The following LMO7 variants were observed in gnomAD, a reference collection of about 807,000 sequenced individuals.
LMO7 encodes the protein LIM domain only protein 7.
Under a neutral mutation model 206.5 loss-of-function variants are expected in LMO7, and 120 were observed. That is an observed-to-expected ratio of 0.58 (90% CI 0.50 to 0.68). The LOEUF is 0.68. Among genes scored for constraint, LMO7 ranks in the 30% least tolerant of loss-of-function variants. The probability of loss-of-function intolerance (pLI) is 0.00; values close to 1 mark genes in which losing one functional copy is unlikely to be tolerated. For missense variants in LMO7, 1,959 were observed against 1,957.9 expected (o/e 1.00, Z -0.01); for synonymous variants, 706 against 681.5 (o/e 1.04, Z -0.56).
At position 75,662,380 on chromosome 13, in the gene LMO7, A is replaced by G. The variant is rs762828672; in HGVS notation, c.69+25654A>G. Among the ~76,000 whole-genome samples the G allele has an allele frequency of 3.9e-5, 6 of 152,174 alleles. No homozygotes were observed. The South Asian group carries it at 1.0e-3, about 26-fold the overall frequency. On this transcript the variant is annotated intron_variant, in intron 1 of 30. Coordinates refer to ENST00000377534, the MANE Select transcript of LMO7 (RefSeq NM_001306080.2). ...GTCACCCAGGCTGGAGTGCAGTGGC[A>G]TGATTTTGGCTGACTGCAGTTGTGA...
chr13:75,821,157 G>T lies in LMO7; in HGVS notation c.2208-20G>T. ...TCAAATGTGTGTCTTTGTGGTGATG[G>T]TGCATTTCTCTCCGCTAAGGGAATC... On this transcript the variant is annotated intron_variant, in intron 13 of 30. Coordinates refer to ENST00000377534, the MANE Select transcript of LMO7 (RefSeq NM_001306080.2). 1 of 1,565,894 alleles carries T rather than the reference G, an allele frequency of 6.4e-7. No homozygotes were observed. The highest frequency in any genetic ancestry group is 8.6e-7 in the Non-Finnish European group (1 of 1,157,744).
intron 3 of LMO7, among the ~76,000 whole-genome samples, chr13:75,730,270 G>T (rs973159979): frequency 1.3e-5 from 2 of 152,144 alleles, no homozygotes; most frequent in Admixed American, 6.5e-5. Context: ...GACTCTTTTT[G>T]GTTGGTAAGC....
chr13:75,712,258 G>A (rs548138699), intron 1 of LMO7, among the ~76,000 whole-genome samples: 47 of 152,282 alleles, frequency 3.1e-4, no homozygotes, highest in African/African-American at 1.1e-3. Flanking sequence ...TTCTGAAGTG[G>A]CAGGTGGAGC....
chr13:75,693,730 C>T (rs961097723), intron 1 of LMO7, among the ~76,000 whole-genome samples: 1 of 152,174 alleles, frequency 6.6e-6, no homozygotes, highest in Admixed American at 6.5e-5. Flanking sequence ...TGCCATCTGT[C>T]TGCTCAGGGA....
chr13:75,748,795 TTTTCTTTCTTTC>T (rs111332093), intron 3 of LMO7, among the ~76,000 whole-genome samples: 41 of 150,088 alleles, frequency 2.7e-4, no homozygotes, highest in Admixed American at 1.3e-4. Flanking sequence ...AGACTGTCTT[TTTTCTTTCTTTC>T]TTTCTTTCTT....
At chr13:75,661,041 C>G (rs2038543308) in intron 1 of LMO7, among the ~76,000 whole-genome samples, 1 of 152,202 alleles carries the variant, frequency 6.6e-6, no homozygotes, top group African/African-American at 2.4e-5. Flanking sequence ...TTTTAGATTA[C>G]TTATGCTAAG....
chr13:75,762,677 G>C (rs945799091), intron 4 of LMO7, among the ~76,000 whole-genome samples: 2 of 152,158 alleles, frequency 1.3e-5, no homozygotes, highest in Non-Finnish European at 2.9e-5. Context: ...AGGTCACGTA[G>C]TTATAGCTGT....
intron 4 of LMO7, among the ~76,000 whole-genome samples, chr13:75,788,548 C>T (rs779753548): frequency 2.0e-5 from 3 of 151,930 alleles, no homozygotes; most frequent in Non-Finnish European, 4.4e-5. Context: ...CATGCCTCCG[C>T]TCTTGCCCCA....
chr13:75,797,793 A>G (rs1460809944), intron 6 of LMO7, among the ~76,000 whole-genome samples: 3 of 152,152 alleles, frequency 2.0e-5, no homozygotes, highest in Admixed American at 6.5e-5. Context: ...ATTCCTGTTC[A>G]CCCCCAAAAT....
At chr13:75,849,988 T>C (rs1417748198) in intron 27 of LMO7, among the ~76,000 whole-genome samples, 1 of 152,070 alleles carries the variant, frequency 6.6e-6, no homozygotes, top group Non-Finnish European at 1.5e-5. Flanking sequence ...AAAATAGATG[T>C]GTGCCTGTAA....
intron 11 of LMO7, 72 bp from the exon 12 acceptor site, chr13:75,817,089 C>A: frequency 9.5e-7 from 1 of 1,054,940 alleles, no homozygotes; most frequent in Non-Finnish European, 1.4e-6. Context: ...CCAAATTTAA[C>A]TCCAACCTCA....
rs1252387827 is a variant in LMO7 at position 75,849,295 on chromosome 13, G to T, written c.4364+3G>T. The T allele has an allele frequency of 1.9e-6, 3 of 1,609,958 alleles. No individual in the cohort carries two copies. Among genetic ancestry groups the T allele is most frequent in the Admixed American group, 3.3e-5 (2 of 59,998 alleles). On this transcript the variant is annotated splice_donor_region_variant and intron_variant, in intron 27 of 30. Coordinates refer to ENST00000377534, the MANE Select transcript of LMO7 (RefSeq NM_001306080.2). Reference sequence around the variant, plus strand: ...AGTCTTCCTGGGATCATGAGAAGGTGCGAGACATCTTAGGAATTGGTTTCT... The same window carrying T: ...AGTCTTCCTGGGATCATGAGAAGGTTCGAGACATCTTAGGAATTGGTTTCT...
chr13:75,851,252 A>G (rs763720635), intron 27 of LMO7, among the ~76,000 whole-genome samples: 6 of 152,248 alleles, frequency 3.9e-5, no homozygotes, highest in African/African-American at 7.2e-5. Context: ...AAGATAATAC[A>G]TATTAAATGG....
chr13:75,633,405 T>A (rs1470973846), upstream of LMO7, among the ~76,000 whole-genome samples: 1 of 152,122 alleles, frequency 6.6e-6, no homozygotes, highest in Non-Finnish European at 1.5e-5. Context: ...AAAATGAGCC[T>A]AACAAACAAA....
Position 75,809,055 on chromosome 13 carries a change from C to T in LMO7, c.1917-99C>T, listed in dbSNP as rs1022155155. ...AAGAAGTGACCTTTTGAGATTTGTC[C>T]GTCTCCAGTTAGATTCTTAAGTGGA... On this transcript the variant is annotated intron_variant, in intron 10 of 30. Transcript: ENST00000377534. 6.5e-5 allele frequency: 56 copies of T among 858,238 alleles called. No individual in the cohort carries two copies. In the African/African-American group the frequency reaches 7.0e-4, roughly 11 times the overall value. 53.2% of individuals were successfully genotyped at this position (858,238 alleles called of 1,614,324 possible).
intron 15 of LMO7, among the ~76,000 whole-genome samples, chr13:75,825,609 A>G (rs1286401098): frequency 6.6e-6 from 1 of 152,178 alleles, no homozygotes; most frequent in African/African-American, 2.4e-5. Flanking sequence ...AAGTGAAGCC[A>G]TTGGAATTCT....
intron 3 of LMO7, among the ~76,000 whole-genome samples, chr13:75,736,635 G>A (rs1354939199): frequency 6.6e-6 from 1 of 152,198 alleles, no homozygotes; most frequent in Non-Finnish European, 1.5e-5. Flanking sequence ...GGACGACAAG[G>A]CAAATAAATT....
In LMO7 at chr13:75,696,357, A is replaced by AC. The variant is rs879742906; in HGVS notation, c.70-16825_70-16824insC. ...GCGACAGAGTGAGACTCCATCTCAA[A>AC]AAAACAAACAAACAAACAAACAAAC... On this transcript the variant is annotated intron_variant, in intron 1 of 30. Transcript: ENST00000377534. 5.1e-3 allele frequency among the ~76,000 whole-genome samples: 633 copies of AC among 124,602 alleles called. 5 individuals are homozygous for AC. Among genetic ancestry groups the AC allele is most frequent in the African/African-American group, 0.021 (545 of 26,564 alleles). 81.7% of individuals were successfully genotyped at this position (124,602 alleles called of 152,430 possible).
chr13:75,649,524 G>T (rs765279744), intron 1 of LMO7, among the ~76,000 whole-genome samples: 1 of 152,162 alleles, frequency 6.6e-6, no homozygotes, highest in Non-Finnish European at 1.5e-5. Context: ...AATCTATCAC[G>T]TGTTGAAAGT....
Sources: allele counts gnomAD v4.1 joint callset (sites outside exome capture counted in the v4.1 genomes callset), GRCh38; gene constraint gnomAD v4.1.1; transcripts MANE v1.5; gene names NCBI Gene and HGNC (gene_info 2026-07-23, HGNC 2026-07-21).